The following SNTG1 variants were observed in gnomAD, a reference collection of about 807,000 sequenced individuals.
The protein encoded by SNTG1 is gamma-1-syntrophin.
SNTG1 carries 39 observed loss-of-function variants against 74.7 expected under a neutral mutation model. The ratio of observed to expected loss-of-function variants is 0.52; its 90% CI spans 0.40 to 0.68. The LOEUF (loss-of-function observed/expected upper bound fraction) is 0.68, where lower values mean the gene tolerates loss of function less well. Ranked by LOEUF, SNTG1 falls within the 30% of genes least tolerant of loss-of-function variation. SNTG1 has a pLI of 0.00. For missense variants in SNTG1, 685 were observed against 609.5 expected, an observed-to-expected ratio of 1.12 and a Z score of -1.30; for synonymous variants, 254 against 217.1, an observed-to-expected ratio of 1.17 and a Z score of -1.49.
chr8:50,112,108 T>C (rs1451910715), intron 1 of SNTG1, among the ~76,000 whole-genome samples: 1 of 152,154 alleles, frequency 6.6e-6, no homozygotes, highest in African/African-American at 2.4e-5. Context: ...ATTTTTTTCA[T>C]CATCCAAAGA....
chr8:49,929,909 T>G (rs1300012633), intron 1 of SNTG1, among the ~76,000 whole-genome samples: 1 of 125,748 alleles, frequency 8.0e-6, no homozygotes, highest in Non-Finnish European at 1.6e-5. Flanking sequence ...ATATTCCCCT[T>G]CCTGTGTCCA....
intron 1 of SNTG1, among the ~76,000 whole-genome samples, chr8:50,007,538 G>A (rs1044642328): frequency 6.6e-6 from 1 of 152,136 alleles, no homozygotes. Context: ...TCAATGTGCT[G>A]AGAGTTGATT....
chr8:50,211,792 G>T (rs78789227), intron 2 of SNTG1, among the ~76,000 whole-genome samples: 1 of 152,100 alleles, frequency 6.6e-6, no homozygotes, highest in African/African-American at 2.4e-5. Flanking sequence ...ATCAAAGAAG[G>T]TTTACATTTG....
chr8:50,422,584 G>A (rs962629886), intron 4 of SNTG1, among the ~76,000 whole-genome samples: 2 of 144,220 alleles, frequency 1.4e-5, no homozygotes, highest in African/African-American at 5.1e-5. Flanking sequence ...CTCTCCAAAA[G>A]CTCATAGGTT....
chr8:50,083,013 G>A (rs1028296968), intron 1 of SNTG1, among the ~76,000 whole-genome samples: 6 of 152,094 alleles, frequency 3.9e-5, no homozygotes, highest in Admixed American at 3.3e-4. Flanking sequence ...CCAATGAAGT[G>A]AGTCCTTTCT....
chr8:49,991,841 C>G (rs1245566963), intron 1 of SNTG1, among the ~76,000 whole-genome samples: 1 of 152,130 alleles, frequency 6.6e-6, no homozygotes, highest in African/African-American at 2.4e-5. Context: ...GAGTACTTCT[C>G]TTTGGTATGG....
chr8:50,078,402 C>T (rs1199238904), intron 1 of SNTG1, among the ~76,000 whole-genome samples: 1 of 152,034 alleles, frequency 6.6e-6, no homozygotes, highest in African/African-American at 2.4e-5. Context: ...TGGAATATTT[C>T]TGTATTTCTT....
chr8:50,527,660 G>T (rs938412418), intron 9 of SNTG1, among the ~76,000 whole-genome samples: 1 of 151,868 alleles, frequency 6.6e-6, no homozygotes, highest in African/African-American at 2.4e-5. Flanking sequence ...AAGTGACCTA[G>T]AAGAGGTTCT....
At chr8:50,269,461 C>T (rs1030753258) in intron 2 of SNTG1, among the ~76,000 whole-genome samples, 4 of 151,998 alleles carry the variant, frequency 2.6e-5, no homozygotes, top group Non-Finnish European at 4.4e-5. Context: ...TGTTACCACT[C>T]GGGGAAATGC....
chr8:50,577,845 A>G (rs2094585827), intron 12 of SNTG1, among the ~76,000 whole-genome samples: 1 of 152,210 alleles, frequency 6.6e-6, no homozygotes, highest in Non-Finnish European at 1.5e-5. Flanking sequence ...GAGATTATAC[A>G]AAGAAAGAGG....
intron 1 of SNTG1, among the ~76,000 whole-genome samples, chr8:50,036,771 AT>A (rs1240780717): frequency 6.6e-6 from 1 of 152,200 alleles, no homozygotes; most frequent in African/African-American, 2.4e-5. Context: ...TGAAGTAAGC[AT>A]TCTCTGTAAG....
chr8:50,570,226 T>TTTTTATTTTATTTTATTTTATTTTA (rs1175368970), intron 12 of SNTG1, among the ~76,000 whole-genome samples: 3,770 of 46,924 alleles, frequency 0.08, 679 homozygotes, highest in African/African-American at 0.1. Context: ...GGTGGTTCTA[T>TTTTTATTTTATTTTATTTTATTTTA]TTTTATTTTA....
chr8:50,680,659 A>C (rs1437532766), intron 15 of SNTG1, among the ~76,000 whole-genome samples: 1 of 152,102 alleles, frequency 6.6e-6, no homozygotes, highest in Non-Finnish European at 1.5e-5. Flanking sequence ...CTTCGGAGGC[A>C]GTCTATCTCT....
At chr8:50,640,941 G>A (rs34708124) in intron 13 of SNTG1, among the ~76,000 whole-genome samples, 77,326 of 151,924 alleles carry the variant, frequency 0.51, 21,929 homozygotes, top group East Asian at 0.66. Context: ...TCATTTTAGC[G>A]CATTCATCTT....
chr8:50,486,032 C>A (rs1336820369), intron 8 of SNTG1, among the ~76,000 whole-genome samples: 12 of 151,908 alleles, frequency 7.9e-5, no homozygotes, highest in African/African-American at 2.9e-4. Context: ...TGATCTATAT[C>A]TCTGTTTTGG....
chr8:50,671,744 C>T (rs1203017235), intron 15 of SNTG1, among the ~76,000 whole-genome samples: 1 of 151,820 alleles, frequency 6.6e-6, no homozygotes, highest in Non-Finnish European at 1.5e-5. Context: ...CACATGCACA[C>T]GTATGTTTAT....
At chr8:50,415,687 A>G (rs1228446971) in intron 4 of SNTG1, among the ~76,000 whole-genome samples, 1 of 152,126 alleles carries the variant, frequency 6.6e-6, no homozygotes, top group Non-Finnish European at 1.5e-5. Context: ...TTTAATCCAC[A>G]TAATTTTGCA....
At chr8:49,987,025 T>C (rs1314626723) in intron 1 of SNTG1, among the ~76,000 whole-genome samples, 4 of 152,214 alleles carry the variant, frequency 2.6e-5, no homozygotes, top group Non-Finnish European at 5.9e-5. Context: ...CCTTAGCTTA[T>C]GTTGGGAAAT....
chr8:50,765,755 A>T (rs936167715), intron 18 of SNTG1, among the ~76,000 whole-genome samples: 1 of 152,016 alleles, frequency 6.6e-6, no homozygotes, highest in Non-Finnish European at 1.5e-5. Context: ...CAGTGGAAGT[A>T]AAATTATCAT....
Sources: gnomAD v4.1 joint callset for allele counts (sites outside exome capture counted in the v4.1 genomes callset) on GRCh38, gnomAD v4.1.1 for gene constraint, MANE v1.5 for transcripts, NCBI Gene and HGNC (gene_info 2026-07-23, HGNC 2026-07-21) for gene names.